COL22A1: variants seen among roughly 807,000 people sequenced by gnomAD.
COL22A1 encodes collagen type XXII alpha 1 chain, also known as collagen alpha-1(XXII) chain.
In COL22A1, 221 loss-of-function variants were observed where a neutral mutation model predicts 248.9. That is an observed-to-expected ratio of 0.89 (90% CI 0.80 to 0.99). The LOEUF (loss-of-function observed/expected upper bound fraction) is 0.99. Ranked by LOEUF, COL22A1 falls within the 50% of genes least tolerant of loss-of-function variation. COL22A1 has a pLI of 0.00. For synonymous variants in COL22A1, 891 were observed against 793.4 expected (o/e 1.12, Z -2.07); for missense variants, 2,240 against 2,179.0 (o/e 1.03, Z -0.56).
chr8:138,911,325 C>T (rs1310925617), intron 1 of COL22A1, among the ~76,000 whole-genome samples: 2 of 152,258 alleles, frequency 1.3e-5, no homozygotes, highest in Non-Finnish European at 2.9e-5. Context: ...CTTCTCTGCA[C>T]TAGAAGACCT....
intron 3 of COL22A1, among the ~76,000 whole-genome samples, chr8:138,861,389 A>C (rs192094912): frequency 6.6e-6 from 1 of 152,180 alleles, no homozygotes; most frequent in African/African-American, 2.4e-5. Context: ...AGTCAGAAAC[A>C]CAAAAGAGCT....
At chr8:138,719,146 T>C (rs1829671881) in intron 27 of COL22A1, among the ~76,000 whole-genome samples, 1 of 152,174 alleles carries the variant, frequency 6.6e-6, no homozygotes, top group South Asian at 2.1e-4. Flanking sequence ...TTCTGGAAGA[T>C]GATAGAATTT....
intron 1 of COL22A1, among the ~76,000 whole-genome samples, chr8:138,909,793 G>C (rs1691173688): frequency 6.6e-6 from 1 of 152,128 alleles, no homozygotes; most frequent in Non-Finnish European, 1.5e-5. Context: ...CACTCTCTGG[G>C]TATCTGCCAG....
At chr8:138,660,897 C>CACAT (rs199789038) in intron 43 of COL22A1, among the ~76,000 whole-genome samples, 18 of 13,248 alleles carry the variant, frequency 1.4e-3, no homozygotes, top group East Asian at 5.0e-3. Flanking sequence ...CACAGACACA[C>CACAT]AAACACACAC....
chr8:138,638,613 A>G (rs1488145889), intron 47 of COL22A1, among the ~76,000 whole-genome samples: 1 of 152,160 alleles, frequency 6.6e-6, no homozygotes, highest in East Asian at 1.9e-4. Context: ...TGAAGTGCTA[A>G]ATATCATTGT....
chr8:138,678,190 C>A (rs1452185124), intron 40 of COL22A1, among the ~76,000 whole-genome samples: 1 of 152,172 alleles, frequency 6.6e-6, no homozygotes, highest in Admixed American at 6.5e-5. Flanking sequence ...TTACTCAGTG[C>A]CCATTGTCAA....
At position 138,778,067 on chromosome 8, in the gene COL22A1, A is replaced by G. The variant is rs749510677; in HGVS notation, c.1758+286T>C. On this transcript the variant is annotated intron_variant, in intron 15 of 64. Transcript: ENST00000303045. ...GAATTCTTTAGATCAAGTGTCAAAA[A>G]TCCTGTGGTGCTGGTTAAAAATGCA... 148 of 500,252 alleles carry G rather than the reference A, an allele frequency of 3.0e-4. 1 individual carries two copies. The highest frequency in any genetic ancestry group is 4.8e-4 in the Non-Finnish European group (132 of 275,620). 31.0% of individuals were successfully genotyped at this position (500,252 alleles called of 1,614,324 possible).
Position 138,724,617 on chromosome 8 carries a change from T to A in COL22A1, c.2245A>T (p.Thr749Ser), listed in dbSNP as rs1830158961. Residue 749 changes from threonine to serine, a missense_variant and splice_region_variant, in exon 25 of 65, where the codon ACG (threonine) becomes TCG (serine). Thr to Ser is a moderately conservative substitution (Grantham distance 58, BLOSUM62 1). Coordinates refer to ENST00000303045, the MANE Select transcript of COL22A1 (RefSeq NM_152888.3). Reference protein sequence around the residue: ...FPGKPGPPGPTGPPGKDGPNG... With the variant: ...FPGKPGPPGPSGPPGKDGPNG... ...GGAAGATGTTTCCGAACACTCACCG[T>A]GGGCCCAGGAGGTCCAGGCTTTCCC... is the stretch of plus-strand genomic sequence containing the variant. 1 of 1,614,084 alleles carries A rather than the reference T, an allele frequency of 6.2e-7. No individual in the cohort carries two copies. Among genetic ancestry groups the A allele is most frequent in the Non-Finnish European group, 8.5e-7 (1 of 1,179,954 alleles).
In COL22A1 at chr8:138,826,571, G is replaced by A. The variant is rs1586835993; in HGVS notation, c.969+87C>T. 4.2e-6 allele frequency: 6 copies of A among 1,425,178 alleles called. No individual in the cohort carries two copies. The East Asian group carries it at 1.1e-4, about 27-fold the overall frequency. The allele number at this position is 1,425,178 out of a possible 1,614,324, so 88.3% of individuals were successfully genotyped here. On this transcript the variant is annotated intron_variant, in intron 6 of 64. Transcript: ENST00000303045. The stretch of plus-strand genomic sequence containing the variant: ...CTCTAGGCCCAGGGATAAGAGCCCT[G>A]GAGAAAACATGGTGGGTGGTGCCAT...
chr8:138,592,082 C>G (rs2131775537), intron 63 of COL22A1, among the ~76,000 whole-genome samples: 1 of 152,300 alleles, frequency 6.6e-6, no homozygotes, highest in East Asian at 1.9e-4. Flanking sequence ...GCTCTACTCT[C>G]AAGAAGCTTG....
chr8:138,885,591 G>GT (rs1563887547), intron 1 of COL22A1, among the ~76,000 whole-genome samples: 1 of 151,736 alleles, frequency 6.6e-6, no homozygotes, highest in East Asian at 1.9e-4. Context: ...TTTGTTTTTT[G>GT]TTTTTTTCTG....
intron 16 of COL22A1, among the ~76,000 whole-genome samples, chr8:138,764,008 T>C (rs1487493473): frequency 1.3e-5 from 2 of 152,208 alleles, no homozygotes; most frequent in Non-Finnish European, 2.9e-5. Context: ...AGATTATATA[T>C]ACAAATTATG....
chr8:138,680,971 G>A lies in COL22A1; in HGVS notation c.3013-1295C>T, dbSNP rs1825915469. On this transcript the variant is annotated intron_variant, in intron 39 of 64. Transcript: ENST00000303045. ...ATTGGTCAACTGGACCCATGTCAGG[G>A]ATGTCTGCACTCTTCCCCCCGGGGG... Among the ~76,000 whole-genome samples the A allele has an allele frequency of 2.0e-5, 3 of 152,120 alleles. No homozygotes were observed. In the South Asian group the frequency reaches 6.2e-4, roughly 31 times the overall value.
At chr8:138,605,021 C>A (rs982254379) in intron 58 of COL22A1, among the ~76,000 whole-genome samples, 2 of 152,094 alleles carry the variant, frequency 1.3e-5, no homozygotes, top group Admixed American at 1.3e-4. Flanking sequence ...TATGACTCCA[C>A]CAAGAGGGCC....
intron 12 of COL22A1, among the ~76,000 whole-genome samples, chr8:138,785,890 T>C (rs1292517970): frequency 1.3e-5 from 2 of 152,188 alleles, no homozygotes; most frequent in African/African-American, 4.8e-5. Flanking sequence ...TCTAGAGCCC[T>C]GTGGGCTTGT....
chr8:138,780,850 A>T, intron 13 of COL22A1, 77 bp downstream of exon 13: 1 of 1,252,644 alleles, frequency 8.0e-7, no homozygotes, highest in Non-Finnish European at 1.2e-6. Flanking sequence ...CACCCCACTT[A>T]AGGACACGGG....
chr8:138,737,492 T>C lies in COL22A1; in HGVS notation c.2139+32A>G, dbSNP rs112481879. The C allele has an allele frequency of 9.9e-6, 15 of 1,513,992 alleles. No homozygotes were observed. In the African/African-American group the frequency reaches 1.1e-4, roughly 11 times the overall value. The allele number at this position is 1,513,992 out of a possible 1,614,324, so 93.8% of individuals were successfully genotyped here. ...TTTATTTAATCAGAGAAAAGCAGCG[T>C]TGCTATGGAAGAGAATGTAAAAGGT... On this transcript the variant is annotated intron_variant, in intron 23 of 64. Transcript: ENST00000303045.
intron 10 of COL22A1, among the ~76,000 whole-genome samples, chr8:138,803,158 G>T (rs1586778454): frequency 6.6e-6 from 1 of 152,312 alleles, no homozygotes; most frequent in Admixed American, 6.5e-5. Context: ...CTTGAGGAAA[G>T]CAAGTGCATG....
chr8:138,640,855 C>A (rs896153272), intron 47 of COL22A1, among the ~76,000 whole-genome samples: 2 of 152,142 alleles, frequency 1.3e-5, no homozygotes, highest in African/African-American at 4.8e-5. Flanking sequence ...TAATAAATGC[C>A]CAAGTCCTAT....
Sources: gnomAD v4.1 joint callset for allele counts (sites outside exome capture counted in the v4.1 genomes callset) on GRCh38, gnomAD v4.1.1 for gene constraint, MANE v1.5 for transcripts, NCBI Gene and HGNC (gene_info 2026-07-23, HGNC 2026-07-21) for gene names.